The following CDC42BPA variants were observed in gnomAD, a reference collection of about 807,000 sequenced individuals.
The protein encoded by CDC42BPA is CDC42 binding protein kinase alpha.
A neutral mutation model predicts 223.5 loss-of-function variants in CDC42BPA; 80 were observed. The ratio of observed to expected loss-of-function variants is 0.36; its 90% confidence interval spans 0.30 to 0.43. The LOEUF is 0.43. Ranked by LOEUF, CDC42BPA falls within the 20% of genes least tolerant of loss-of-function variation. CDC42BPA has a pLI of 1.00. For synonymous variants in CDC42BPA, 694 were observed against 718.6 expected (o/e 0.97, Z 0.55); for missense variants, 1,743 against 2,099.9 (o/e 0.83, Z 3.32).
chr1:227,260,800 A>C (rs536561602), intron 1 of CDC42BPA, among the ~76,000 whole-genome samples: 3 of 151,030 alleles, frequency 2.0e-5, no homozygotes. Context: ...ATGGAATAAC[A>C]TAAGAATCTG....
At position 226,993,531 on chromosome 1, in the gene CDC42BPA, A is replaced by G. The variant is rs1167887294; in HGVS notation, c.*737T>C. ...CTATGACCAGTTTGAGGACAGGGCAATAAAGGGAACTCTGATTTCTCTCGC... is the reference window on the plus strand; with the variant it reads ...CTATGACCAGTTTGAGGACAGGGCAGTAAAGGGAACTCTGATTTCTCTCGC... On this transcript the variant is annotated 3_prime_UTR_variant, in exon 37 of 37. Transcript: ENST00000366766. 6.6e-6 allele frequency: 1 copy of G among 152,636 alleles called. No homozygotes were observed. The highest frequency in any genetic ancestry group is 1.5e-5 in the Non-Finnish European group (1 of 68,034). 9.5% of individuals were successfully genotyped at this position (152,636 alleles called of 1,614,324 possible).
chr1:227,069,833 G>T lies in CDC42BPA; in HGVS notation c.2848C>A (p.Gln950Lys). 1 of 1,611,294 alleles carries T rather than the reference G, an allele frequency of 6.2e-7. No individual in the cohort carries two copies. Among genetic ancestry groups the T allele is most frequent in the South Asian group, 1.1e-5 (1 of 90,932 alleles). ...TTCAAAAATGCCAAGAAAGAATGCTGTGAGTCTTGGTGCTCTATACCTAGA... is the reference window on the plus strand; with the variant it reads ...TTCAAAAATGCCAAGAAAGAATGCTTTGAGTCTTGGTGCTCTATACCTAGA... ...SEKGIEHQDS[Q>K]HSFLAFLNTP... Residue 950 changes from glutamine (Q) to lysine (K), a missense_variant, in exon 21 of 37, where the codon CAG becomes AAG. By Grantham distance (53) the Gln-to-Lys change is moderately conservative (BLOSUM62 1). Transcript: ENST00000366766.
intron 1 of CDC42BPA, among the ~76,000 whole-genome samples, chr1:227,285,932 G>A (rs1235213367): frequency 1.3e-5 from 2 of 152,184 alleles, no homozygotes; most frequent in African/African-American, 2.4e-5. Context: ...TCGGCACAAG[G>A]CAGTTGAAGC....
chr1:226,994,172 TTTCA>T lies in CDC42BPA; in HGVS notation c.*92_*95del. 2 of 1,299,758 alleles carry T rather than the reference TTTCA, an allele frequency of 1.5e-6. No homozygotes were observed. Among genetic ancestry groups the T allele is most frequent in the South Asian group, 2.8e-5 (2 of 71,528 alleles). 80.5% of individuals were successfully genotyped at this position (1,299,758 alleles called of 1,614,324 possible). On this transcript the variant is annotated 3_prime_UTR_variant, in exon 37 of 37. Transcript: ENST00000366766. The surrounding 1 kb of genome is among the most constrained non-coding windows in gnomAD (Gnocchi z 4.0). ...GCTACTGCTGCCAGCCCCTGGTGGCTTTCAGGCCGAGCAGGCGAGGTGGAGGGAA... is the reference window on the plus strand; with the variant it reads ...GCTACTGCTGCCAGCCCCTGGTGGCTGGCCGAGCAGGCGAGGTGGAGGGAA...
At chr1:227,292,476 C>T (rs1689864800) in intron 1 of CDC42BPA, among the ~76,000 whole-genome samples, 1 of 152,136 alleles carries the variant, frequency 6.6e-6, no homozygotes, top group Admixed American at 6.5e-5. Flanking sequence ...ATTATTTCTA[C>T]ACAGAATGGC....
intron 2 of CDC42BPA, among the ~76,000 whole-genome samples, chr1:227,248,362 T>C (rs1182301571): frequency 6.6e-6 from 1 of 151,072 alleles, no homozygotes; most frequent in East Asian, 1.9e-4. Flanking sequence ...ACCTAAAGAC[T>C]CCACACACAC....
chr1:227,110,325 T>C (rs2149375673), intron 14 of CDC42BPA, among the ~76,000 whole-genome samples: 1 of 152,346 alleles, frequency 6.6e-6, no homozygotes, highest in African/African-American at 2.4e-5. Flanking sequence ...TGCCAGGTTC[T>C]GGTCTATACA....
Position 227,257,773 on chromosome 1 carries a change from CT to C in CDC42BPA, c.179-3619del, listed in dbSNP as rs963022491. ...TGTCTCAAAAAAAAAAGGAAGAAAA[CT>C]TTTTTAAAAATCACACGCAAGTTTG... is the stretch of plus-strand genomic sequence containing the variant. On this transcript the variant is annotated intron_variant, in intron 1 of 36. Coordinates refer to ENST00000366766, the MANE Select transcript of CDC42BPA (RefSeq NM_001394014.1). Among the ~76,000 whole-genome samples the C allele has an allele frequency of 4.7e-5, 7 of 149,538 alleles. 1 individual carries two copies. The highest frequency in any genetic ancestry group is 1.8e-4 in the African/African-American group (7 of 39,640).
chr1:227,029,012 C>T lies in CDC42BPA; in HGVS notation c.4077G>A (p.Gln1359=). Residue 1359 remains glutamine, a synonymous_variant, in exon 30 of 37, where the codon CAG becomes CAA. Transcript: ENST00000366766. ...TCTGAAATAGTTCATAACAGAGGAC[C>T]TGCCTTTTCATAGCCACACACAGGC... The part of the protein sequence containing the change: ...LTCLCVAMKR[Q]VLCYELFQSK... 1.2e-6 allele frequency: 2 copies of T among 1,614,050 alleles called. No individual in the cohort carries two copies. Among genetic ancestry groups the T allele is most frequent in the East Asian group, 2.2e-5 (1 of 44,892 alleles).
intron 2 of CDC42BPA, among the ~76,000 whole-genome samples, chr1:227,236,185 A>C (rs1678983128): frequency 6.6e-6 from 1 of 152,338 alleles, no homozygotes; most frequent in South Asian, 2.1e-4. Context: ...CTAGCCTAAA[A>C]CAAAACTGGG....
In CDC42BPA at chr1:227,100,439, C is replaced by T. The variant is rs554949180; in HGVS notation, c.2249+553G>A. The stretch of plus-strand genomic sequence containing the variant: ...TACTTTCCAGCTTCATTTCTCACCA[C>T]TCTCATCTATTTATGTTTCAGTCAT... On this transcript the variant is annotated intron_variant, in intron 15 of 36. Transcript: ENST00000366766. Among the ~76,000 whole-genome samples, 48 of 152,240 alleles carry T rather than the reference C, an allele frequency of 3.2e-4. No individual in the cohort carries two copies. In the South Asian group the frequency reaches 9.3e-3, roughly 30 times the overall value.
At chr1:227,164,464 A>G (rs6426575) in intron 5 of CDC42BPA, among the ~76,000 whole-genome samples, 103,798 of 151,984 alleles carry the variant, frequency 0.68, 35,645 homozygotes, top group South Asian at 0.73. Context: ...GAACTTACAT[A>G]TCTCATCTAT....
chr1:227,082,775 G>C (rs536674936), intron 16 of CDC42BPA, among the ~76,000 whole-genome samples: 5 of 147,102 alleles, frequency 3.4e-5, no homozygotes, highest in Admixed American at 3.4e-4. Context: ...TCCACATTCT[G>C]AATTTTTGCC....
chr1:227,057,818 ATTT>A (rs900678810), intron 21 of CDC42BPA, among the ~76,000 whole-genome samples: 2 of 152,232 alleles, frequency 1.3e-5, no homozygotes, highest in Admixed American at 6.5e-5. Context: ...TCCCTCCAAA[ATTT>A]TTTTCTTATT....
At chr1:227,261,409 C>A (rs1440292066) in intron 1 of CDC42BPA, among the ~76,000 whole-genome samples, 1 of 150,816 alleles carries the variant, frequency 6.6e-6, no homozygotes, top group Non-Finnish European at 1.5e-5. Context: ...AGCCACTGCA[C>A]CTAGCCTGAG....
intron 1 of CDC42BPA, among the ~76,000 whole-genome samples, chr1:227,258,860 C>A (rs183055947): frequency 0.056 from 8,268 of 146,696 alleles, 348 homozygotes; most frequent in Non-Finnish European, 0.074. Flanking sequence ...ATATAAAAGA[C>A]AAATTGCAAA....
intron 16 of CDC42BPA, among the ~76,000 whole-genome samples, chr1:227,090,790 G>A (rs1421946029): frequency 7.9e-5 from 12 of 152,174 alleles, no homozygotes; most frequent in Admixed American, 5.2e-4. Context: ...CAGCCTGGGC[G>A]ACAGAGCGAG....
intron 14 of CDC42BPA, among the ~76,000 whole-genome samples, chr1:227,109,841 G>A (rs511679): frequency 0.28 from 42,795 of 150,728 alleles, 6,285 homozygotes; most frequent in African/African-American, 0.35. Context: ...TTCCAACTCC[G>A]TTATACTCTT....
chr1:227,002,205 T>C (rs1663006066), intron 35 of CDC42BPA, among the ~76,000 whole-genome samples: 1 of 152,218 alleles, frequency 6.6e-6, no homozygotes, highest in Non-Finnish European at 1.5e-5. Flanking sequence ...AGGTAAGGAA[T>C]TATGGACCAT....
Sources: gnomAD v4.1 joint callset for allele counts (sites outside exome capture counted in the v4.1 genomes callset) on GRCh38, gnomAD v4.1.1 for gene constraint, Gnocchi (gnomAD v3.1) non-coding constraint, MANE v1.5 for transcripts, NCBI Gene and HGNC (gene_info 2026-07-23, HGNC 2026-07-21) for gene names.